The following CCDC171 variants were observed in gnomAD, a reference collection of about 807,000 sequenced individuals.
CCDC171 encodes the protein coiled-coil domain-containing protein 171.
In CCDC171, 177 loss-of-function variants were observed where a neutral mutation model predicts 168.2. The ratio of observed to expected loss-of-function variants is 1.05; its 90% CI spans 0.93 to 1.19. The LOEUF (loss-of-function observed/expected upper bound fraction) is 1.19. Among genes scored for constraint, CCDC171 ranks in the 50% most tolerant of loss-of-function variants. The pLI is 0.00. For missense variants in CCDC171, 1,991 were observed against 1,539.0 expected (o/e 1.29, Z -4.91); for synonymous variants, 687 against 540.8 (o/e 1.27, Z -3.75).
intron 25 of CCDC171, among the ~76,000 whole-genome samples, chr9:15,945,029 C>A (rs1049363234): frequency 6.6e-6 from 1 of 151,850 alleles, no homozygotes. Context: ...TATCCCTCTC[C>A]CCCGCCCACC....
At chr9:16,018,825 A>G (rs947007137) in intron 3 of CCDC171, among the ~76,000 whole-genome samples, 1 of 152,180 alleles carries the variant, frequency 6.6e-6, no homozygotes, top group African/African-American at 2.4e-5. Flanking sequence ...GGGCCCTTAA[A>G]AAACCTAGGA....
chr9:15,742,393 A>G (rs2054939920), intron 16 of CCDC171, among the ~76,000 whole-genome samples: 1 of 152,194 alleles, frequency 6.6e-6, no homozygotes, highest in Non-Finnish European at 1.5e-5. Flanking sequence ...ATTCTGAATT[A>G]TTTGCATCCT....
rs147761320 is a variant in CCDC171, at chr9:15,643,561, T to A, written c.823-13566T>A. 6.2e-3 allele frequency among the ~76,000 whole-genome samples: 942 copies of A among 152,312 alleles called. 9 individuals carry two copies. The highest frequency in any genetic ancestry group is 0.027 in the Middle Eastern group (8 of 294). On this transcript the variant is annotated intron_variant, in intron 7 of 25. Transcript: ENST00000380701. ...CAATCAGGGATTCTTTATTTTTCAA[T>A]TGAGATATACTTCACATATCATAAA...
At chr9:16,088,685 C>G in the CCDC171 span, among the ~76,000 whole-genome samples, 3 of 152,264 alleles carry the variant, frequency 2.0e-5, no homozygotes, top group Non-Finnish European at 2.9e-5. Context: ...AGGAGAACTA[C>G]AAACCACTGC....
chr9:15,871,123 G>C (rs1301473166), intron 23 of CCDC171, among the ~76,000 whole-genome samples: 1 of 151,430 alleles, frequency 6.6e-6, no homozygotes, highest in African/African-American at 2.4e-5. Context: ...TTTTAGAGTA[G>C]AAGTAATATA....
chr9:15,649,025 G>A (rs2047283988), intron 7 of CCDC171, among the ~76,000 whole-genome samples: 1 of 152,188 alleles, frequency 6.6e-6, no homozygotes, highest in Non-Finnish European at 1.5e-5. Flanking sequence ...AACCAAAACA[G>A]CATGGTACTG....
chr9:15,871,479 GA>G (rs58516422), intron 23 of CCDC171, among the ~76,000 whole-genome samples: 3 of 151,308 alleles, frequency 2.0e-5, no homozygotes, highest in African/African-American at 7.2e-5. Flanking sequence ...TTCCTTTTAG[GA>G]AAAAAATAAT....
intron 11 of CCDC171, among the ~76,000 whole-genome samples, chr9:15,696,833 T>C (rs1365462900): frequency 6.6e-6 from 1 of 152,234 alleles, no homozygotes; most frequent in East Asian, 1.9e-4. Context: ...TTAACCATCC[T>C]TTTTTATCTT....
chr9:15,793,640 T>G (rs1182953906), intron 21 of CCDC171, among the ~76,000 whole-genome samples: 3 of 135,382 alleles, frequency 2.2e-5, no homozygotes, highest in Non-Finnish European at 3.1e-5. Flanking sequence ...AGCTCTACTC[T>G]CCAGGTTCAA....
At chr9:15,630,780 T>TCCTC (rs2045613727) in intron 7 of CCDC171, among the ~76,000 whole-genome samples, 1 of 152,158 alleles carries the variant, frequency 6.6e-6, no homozygotes, top group African/African-American at 2.4e-5. Flanking sequence ...AGTAAAGCTC[T>TCCTC]CCTCAGCAAA....
chr9:15,677,885 T>TC (rs1564193445), intron 9 of CCDC171, among the ~76,000 whole-genome samples: 27 of 12,384 alleles, frequency 2.2e-3, no homozygotes, highest in Admixed American at 9.4e-3. Context: ...GTGTCATATA[T>TC]ATATATATAT....
At chr9:15,990,045 A>G (rs1832134533) in intron 3 of CCDC171, among the ~76,000 whole-genome samples, 1 of 152,198 alleles carries the variant, frequency 6.6e-6, no homozygotes. Context: ...CTAGCAAGGC[A>G]GGCCAACATT....
At chr9:15,877,471 C>T (rs1818004702) in intron 24 of CCDC171, among the ~76,000 whole-genome samples, 1 of 151,968 alleles carries the variant, frequency 6.6e-6, no homozygotes, top group African/African-American at 2.4e-5. Context: ...TTCACCCTTC[C>T]CTGTTTCTTC....
intron 21 of CCDC171, among the ~76,000 whole-genome samples, chr9:15,824,353 A>AAT (rs1295193347): frequency 6.6e-6 from 1 of 151,992 alleles, no homozygotes; most frequent in Non-Finnish European, 1.5e-5. Flanking sequence ...TTTATATGTT[A>AAT]ATATATATGT....
At chr9:15,985,337 G>T (rs913894009) in intron 3 of CCDC171, among the ~76,000 whole-genome samples, 1 of 152,110 alleles carries the variant, frequency 6.6e-6, no homozygotes, top group South Asian at 2.1e-4. Context: ...TGAACACACT[G>T]ATCCTTTAGT....
chr9:16,031,461 A>G (rs941688038), intron 6 of CCDC171, among the ~76,000 whole-genome samples: 8 of 152,218 alleles, frequency 5.3e-5, no homozygotes, highest in African/African-American at 1.9e-4. Context: ...GATGTTGGCA[A>G]TAATCTAGCC....
chr9:15,670,051 C>T (rs2049002374), intron 9 of CCDC171, among the ~76,000 whole-genome samples: 1 of 151,682 alleles, frequency 6.6e-6, no homozygotes, highest in Non-Finnish European at 1.5e-5. Context: ...TGCCTAAATC[C>T]TCCACCTTTT....
the CCDC171 span, among the ~76,000 whole-genome samples, chr9:16,070,408 C>T: frequency 2.6e-5 from 4 of 152,298 alleles, no homozygotes; most frequent in Middle Eastern, 3.4e-3. Flanking sequence ...GTGGTGGGGA[C>T]ATCCAGCCAG....
intron 24 of CCDC171, among the ~76,000 whole-genome samples, chr9:15,891,827 A>G (rs753872815): frequency 5.9e-5 from 9 of 152,186 alleles, no homozygotes; most frequent in Non-Finnish European, 1.2e-4. Flanking sequence ...TGAATTAAAA[A>G]GAAAGAACCT....
Sources: gnomAD v4.1 joint callset for allele counts (sites outside exome capture counted in the v4.1 genomes callset) on GRCh38, gnomAD v4.1.1 for gene constraint, MANE v1.5 for transcripts, NCBI Gene and HGNC (gene_info 2026-07-23, HGNC 2026-07-21) for gene names.